EFHB: variants seen among roughly 807,000 people sequenced by gnomAD.
EFHB encodes EF-hand domain-containing family member B.
In EFHB, 91 loss-of-function variants were observed where a neutral mutation model predicts 87.2. The observed-to-expected ratio is 1.04, with a 90% CI of 0.88 to 1.24. EFHB has a LOEUF of 1.24. EFHB is among the 50% of genes most tolerant of loss of function. The pLI is 0.00. For missense variants in EFHB, 1,084 were observed against 998.8 expected, an observed-to-expected ratio of 1.09 and a Z score of -1.15; for synonymous variants, 325 against 333.6, an observed-to-expected ratio of 0.97 and a Z score of 0.28.
At chr3:19,927,827 C>G (rs1204543349) in intron 1 of EFHB, among the ~76,000 whole-genome samples, 1 of 151,994 alleles carries the variant, frequency 6.6e-6, no homozygotes, top group African/African-American at 2.4e-5. Flanking sequence ...ATCCCCTGGT[C>G]AGGATGTTAG....
At chr3:19,900,474 C>G (rs1453129489) in intron 6 of EFHB, among the ~76,000 whole-genome samples, 1 of 151,690 alleles carries the variant, frequency 6.6e-6, no homozygotes, top group Non-Finnish European at 1.5e-5. Context: ...CTAACTTTGG[C>G]AAAAAAATAT....
At chr3:19,884,176 A>C (rs2071752799) in intron 11 of EFHB, among the ~76,000 whole-genome samples, 1 of 152,184 alleles carries the variant, frequency 6.6e-6, no homozygotes, top group Non-Finnish European at 1.5e-5. Context: ...AATGGTTTCC[A>C]TTTCATTAAT....
chr3:19,934,159 A>AT lies in EFHB; in HGVS notation c.-142dup. ...ACAACCTCACTCGGACTCCCTGTCCATTGCTTCCTGCCTGCCTCTTAACAC... is the reference window on the plus strand; with the variant it reads ...ACAACCTCACTCGGACTCCCTGTCCATTTGCTTCCTGCCTGCCTCTTAACAC... On this transcript the variant is annotated 5_prime_UTR_variant, in exon 1 of 13. It adds an upstream start codon to the 5' untranslated region. Transcript: ENST00000295824. 1 of 1,445,340 alleles carries AT rather than the reference A, an allele frequency of 6.9e-7. No homozygotes were observed. Among genetic ancestry groups the AT allele is most frequent in the Non-Finnish European group, 9.0e-7 (1 of 1,107,008 alleles). 89.5% of individuals were successfully genotyped at this position (1,445,340 alleles called of 1,614,324 possible). A position where few individuals can be genotyped will look rare whatever the true frequency, so the allele number is the denominator to read the frequency against.
At chr3:19,880,695 C>A (rs866043233) in intron 12 of EFHB, among the ~76,000 whole-genome samples, 1 of 152,040 alleles carries the variant, frequency 6.6e-6, no homozygotes, top group African/African-American at 2.4e-5. Context: ...AAACCAGCAA[C>A]CTTTGGTTAC....
chr3:19,945,393 A>T (rs1444230033), intron 1 of EFHB, among the ~76,000 whole-genome samples: 1 of 152,232 alleles, frequency 6.6e-6, no homozygotes, highest in Non-Finnish European at 1.5e-5. Context: ...AGTATGCATT[A>T]ATTTCAGTTT....
chr3:19,886,139 A>G (rs989573790), intron 10 of EFHB, among the ~76,000 whole-genome samples: 18 of 152,182 alleles, frequency 1.2e-4, no homozygotes. Context: ...CTACTTCATG[A>G]GTTGTGCCAA....
At chr3:19,939,367 CTCCTTTTTTTTT>C (rs1559479864) in intron 1 of EFHB, among the ~76,000 whole-genome samples, 5 of 102,486 alleles carry the variant, frequency 4.9e-5, no homozygotes, top group African/African-American at 2.0e-4. Context: ...TGGGTTGGGT[CTCCTTTTTTTTT>C]TTTTTTTTTT....
intron 1 of EFHB, among the ~76,000 whole-genome samples, chr3:19,923,832 T>C (rs1039989237): frequency 3.9e-5 from 6 of 152,270 alleles, no homozygotes; most frequent in African/African-American, 1.4e-4. Context: ...ATTGCATTTA[T>C]AAAACTATAT....
chr3:19,927,036 GCCTCAA>G (rs957159504), intron 1 of EFHB, among the ~76,000 whole-genome samples: 45 of 152,308 alleles, frequency 3.0e-4, no homozygotes, highest in African/African-American at 1.0e-3. Flanking sequence ...GTTCATTGCA[GCCTCAA>G]CCTCCCATAG....
chr3:19,890,749 C>T lies in EFHB; in HGVS notation c.1726-2098G>A, dbSNP rs78268694. Among the ~76,000 whole-genome samples the T allele has an allele frequency of 8.9e-3, 1,361 of 152,256 alleles. 15 individuals are homozygous for T. Among genetic ancestry groups the T allele is most frequent in the African/African-American group, 0.032 (1,309 of 41,522 alleles). On this transcript the variant is annotated intron_variant, in intron 9 of 12. Transcript: ENST00000295824. ...GCCTCTGGAAAAGAAAGGCAACCTT[C>T]ACTTGGAGGTGCACCGTGAAGTTTA...
At chr3:19,908,860 G>C (rs1694959409) in intron 5 of EFHB, among the ~76,000 whole-genome samples, 1 of 151,938 alleles carries the variant, frequency 6.6e-6, no homozygotes, top group South Asian at 2.1e-4. Context: ...AAAATATATA[G>C]AGCAGGCTCC....
At chr3:19,930,542 T>G (rs895514506) in intron 1 of EFHB, among the ~76,000 whole-genome samples, 8 of 152,244 alleles carry the variant, frequency 5.3e-5, no homozygotes, top group African/African-American at 1.7e-4. Flanking sequence ...TAATCTGAAT[T>G]CTTTTTCTAT....
intron 9 of EFHB, among the ~76,000 whole-genome samples, chr3:19,892,675 T>TCTCAAAAATC (rs1209617145): frequency 1.3e-5 from 2 of 152,116 alleles, no homozygotes; most frequent in Admixed American, 1.3e-4. Flanking sequence ...AATAACCACT[T>TCTCAAAAATC]GGTTGAGTAT....
intron 1 of EFHB, among the ~76,000 whole-genome samples, chr3:19,943,935 G>A (rs899999344): frequency 6.6e-6 from 1 of 152,230 alleles, no homozygotes; most frequent in African/African-American, 2.4e-5. Context: ...CTGTTATGAA[G>A]ACAACAGACT....
Position 19,933,830 on chromosome 3 carries a change from T to C in EFHB, c.189A>G (p.Lys63=), listed in dbSNP as rs1365531967. 8 of 1,613,830 alleles carry C rather than the reference T, an allele frequency of 5.0e-6. No individual in the cohort carries two copies. The highest frequency in any genetic ancestry group is 6.8e-6 in the Non-Finnish European group (8 of 1,179,882). The change falls in exon 1 of 13, where the codon AAA becomes AAG. Residue 63 remains lysine (K), a synonymous_variant. Transcript: ENST00000295824. The part of the protein sequence containing the change: ...CEGRMAPPET[K]FPLSKGLEMG... ...TTTCAAGCCCCTTGCTCAATGGAAATTTTGTTTCTGGTGGTGCCATCCTTC... is the reference window on the plus strand; with the variant it reads ...TTTCAAGCCCCTTGCTCAATGGAAACTTTGTTTCTGGTGGTGCCATCCTTC...
At chr3:19,908,118 T>A (rs1032546911) in intron 5 of EFHB, among the ~76,000 whole-genome samples, 1 of 152,012 alleles carries the variant, frequency 6.6e-6, no homozygotes, top group East Asian at 1.9e-4. Context: ...GATACTGACA[T>A]GAAAAGACAT....
chr3:19,904,817 G>C (rs1694784546), intron 6 of EFHB, among the ~76,000 whole-genome samples: 2 of 152,116 alleles, frequency 1.3e-5, no homozygotes, highest in Non-Finnish European at 2.9e-5. Context: ...GTGGAGGGCG[G>C]GGCGGCACCA....
chr3:19,936,015 A>C (rs1194770191), upstream of EFHB: 17 of 1,076,706 alleles, frequency 1.6e-5, no homozygotes, highest in African/African-American at 2.2e-4. Flanking sequence ...TCTCAAAAAA[A>C]AAAAAAAAAA....
chr3:19,897,406 G>C (rs1274931285), intron 8 of EFHB, among the ~76,000 whole-genome samples: 1 of 152,026 alleles, frequency 6.6e-6, no homozygotes, highest in East Asian at 1.9e-4. Flanking sequence ...CATTAACTAA[G>C]AGTCCTGACC....
Sources: allele counts gnomAD v4.1 joint callset (sites outside exome capture counted in the v4.1 genomes callset), GRCh38; gene constraint gnomAD v4.1.1; transcripts MANE v1.5; gene names NCBI Gene and HGNC (gene_info 2026-07-23, HGNC 2026-07-21).